GABRG3: variants seen among roughly 807,000 people sequenced by gnomAD.
GABRG3 encodes the protein gamma-aminobutyric acid receptor subunit gamma-3.
Under a neutral mutation model 48.8 loss-of-function variants are expected in GABRG3, and 25 were observed. The observed-to-expected ratio is 0.51, with a 90% CI of 0.37 to 0.72. The LOEUF (loss-of-function observed/expected upper bound fraction) is 0.72, where lower values mean the gene tolerates loss of function less well. GABRG3 is among the 30% of genes least tolerant of loss of function. GABRG3 has a pLI of 0.00. For missense variants in GABRG3, 394 were observed against 577.9 expected (o/e 0.68, Z 3.26); for synonymous variants, 227 against 217.6 (o/e 1.04, Z -0.38).
Position 26,971,532 on chromosome 15 carries a change from C to T in GABRG3, c.-4C>T, listed in dbSNP as rs748481396. The T allele has an allele frequency of 5.4e-5, 82 of 1,526,522 alleles. No individual in the cohort carries two copies. The highest frequency in any genetic ancestry group is 1.2e-4 in the Admixed American group (6 of 49,166). 94.6% of individuals were successfully genotyped at this position (1,526,522 alleles called of 1,614,324 possible). On this transcript the variant is annotated 5_prime_UTR_variant, in exon 1 of 10. Coordinates refer to ENST00000615808, the MANE Select transcript of GABRG3 (RefSeq NM_033223.5). ...GGACCCTGCGCCCCGAGCTCCACGG[C>T]ACCATGGCCCCGAAGCTGCTGCTCC...
intron 3 of GABRG3, among the ~76,000 whole-genome samples, chr15:27,117,507 C>G (rs937575955): frequency 2.0e-5 from 3 of 152,024 alleles, no homozygotes; most frequent in Non-Finnish European, 2.9e-5. Context: ...AAAGGGACTC[C>G]CATGAGGAGC....
chr15:27,004,919 A>G (rs1191855398), intron 2 of GABRG3, among the ~76,000 whole-genome samples: 1 of 152,198 alleles, frequency 6.6e-6, no homozygotes, highest in East Asian at 1.9e-4. Context: ...TAATATGTCT[A>G]CAGGCAGTTG....
intron 2 of GABRG3, among the ~76,000 whole-genome samples, chr15:27,012,773 A>T (rs940970966): frequency 7.9e-5 from 12 of 152,176 alleles, no homozygotes; most frequent in Non-Finnish European, 1.8e-4. Context: ...CGTTTCACGC[A>T]CTGTGATTTA....
chr15:27,070,934 C>T (rs879318814), intron 3 of GABRG3, among the ~76,000 whole-genome samples: 2 of 152,172 alleles, frequency 1.3e-5, no homozygotes, highest in South Asian at 2.1e-4. Context: ...CAGGTGCAGA[C>T]GGGACTGCGA....
chr15:27,244,530 C>G (rs1357510905), intron 3 of GABRG3, among the ~76,000 whole-genome samples: 1 of 152,232 alleles, frequency 6.6e-6, no homozygotes, highest in African/African-American at 2.4e-5. Flanking sequence ...GCATTTGATG[C>G]TTGTTTAACT....
chr15:27,393,849 G>C lies in GABRG3; in HGVS notation c.574+64961G>C, dbSNP rs543472298. 9.2e-5 allele frequency among the ~76,000 whole-genome samples: 14 copies of C among 152,270 alleles called. No homozygotes were observed. In the East Asian group the frequency reaches 2.3e-3, roughly 25 times the overall value. ...CAGCCCCGCTGATACCTTGATTTCA[G>C]CCCATTACTGAATGGGCTTACGATC... On this transcript the variant is annotated intron_variant, in intron 5 of 9. Coordinates refer to ENST00000615808, the MANE Select transcript of GABRG3 (RefSeq NM_033223.5).
chr15:27,344,820 A>G (rs1029573998), intron 5 of GABRG3, among the ~76,000 whole-genome samples: 1 of 152,074 alleles, frequency 6.6e-6, no homozygotes, highest in African/African-American at 2.4e-5. Context: ...CAGTGGATAT[A>G]TATATATATT....
chr15:27,144,974 A>G (rs575384708), intron 3 of GABRG3, among the ~76,000 whole-genome samples: 65 of 152,316 alleles, frequency 4.3e-4, no homozygotes, highest in African/African-American at 1.4e-3. Context: ...CAGAAAAGCT[A>G]TTAACAAACA....
intron 5 of GABRG3, among the ~76,000 whole-genome samples, chr15:27,436,995 T>TAG (rs10549691): frequency 0.33 from 43,090 of 130,324 alleles, 7,413 homozygotes; most frequent in Non-Finnish European, 0.42. Context: ...CTCCGAAAAA[T>TAG]AGAGAGAGAG....
chr15:27,096,410 G>A (rs1394595834), intron 3 of GABRG3, among the ~76,000 whole-genome samples: 1 of 152,188 alleles, frequency 6.6e-6, no homozygotes, highest in East Asian at 1.9e-4. Flanking sequence ...GTATCTTTCA[G>A]CAGAGAGATG....
At chr15:27,029,362 G>A (rs1030064008) in intron 3 of GABRG3, among the ~76,000 whole-genome samples, 2 of 152,172 alleles carry the variant, frequency 1.3e-5, no homozygotes, top group African/African-American at 4.8e-5. Context: ...CTGATTTCCT[G>A]AGGAAGACAC....
intron 3 of GABRG3, among the ~76,000 whole-genome samples, chr15:27,155,267 G>A (rs956634089): frequency 3.3e-5 from 5 of 152,072 alleles, no homozygotes; most frequent in Non-Finnish European, 7.4e-5. Context: ...CTGAGAGTTT[G>A]TTTCTTTGCT....
Position 27,480,788 on chromosome 15 carries a change from G to A in GABRG3, c.712+1G>A. Reference sequence around the variant, plus strand: ...ACAGAAATCGTGACAACGTCTGCAGGTAGGAATTTACTGAAAGAGGCACAG... The same window carrying A: ...ACAGAAATCGTGACAACGTCTGCAGATAGGAATTTACTGAAAGAGGCACAG... On this transcript the variant is annotated splice_donor_variant, in intron 6 of 9. Transcript: ENST00000615808. LOFTEE classifies it high-confidence loss of function. 1 of 1,613,532 alleles carries A rather than the reference G, an allele frequency of 6.2e-7. No individual in the cohort carries two copies. Among genetic ancestry groups the A allele is most frequent in the Non-Finnish European group, 8.5e-7 (1 of 1,179,734 alleles).
intron 3 of GABRG3, among the ~76,000 whole-genome samples, chr15:27,238,459 G>A (rs1222216695): frequency 6.6e-6 from 1 of 152,208 alleles, no homozygotes; most frequent in African/African-American, 2.4e-5. Context: ...CACCGCGGGA[G>A]GCCCTGGAGG....
Position 27,256,419 on chromosome 15 carries a change from C to T in GABRG3, c.271-70390C>T, listed in dbSNP as rs372018562. Among the ~76,000 whole-genome samples, 119 of 137,790 alleles carry T rather than the reference C, an allele frequency of 8.6e-4. 1 individual carries two copies. In the Middle Eastern group the frequency reaches 0.017, roughly 20 times the overall value. The allele number at this position is 137,790 out of a possible 152,430, so 90.4% of individuals were successfully genotyped here. On this transcript the variant is annotated intron_variant, in intron 3 of 9. Coordinates refer to ENST00000615808, the MANE Select transcript of GABRG3 (RefSeq NM_033223.5). Reference sequence around the variant, plus strand: ...TGGCGCCACTGCACTCCAGCCTGGGCGACAGAGCAAGACTCCGTCTCAAAA... The same window carrying T: ...TGGCGCCACTGCACTCCAGCCTGGGTGACAGAGCAAGACTCCGTCTCAAAA...
intron 5 of GABRG3, among the ~76,000 whole-genome samples, chr15:27,461,404 G>A (rs945294297): frequency 5.3e-5 from 8 of 152,138 alleles, no homozygotes; most frequent in African/African-American, 1.9e-4. Context: ...TCCTTCTGGT[G>A]GGTTCTTGGT....
At chr15:27,075,084 G>A (rs928953360) in intron 3 of GABRG3, among the ~76,000 whole-genome samples, 1 of 152,106 alleles carries the variant, frequency 6.6e-6, no homozygotes, top group African/African-American at 2.4e-5. Context: ...ATGTGAACAC[G>A]ATTTTCAAAA....
chr15:27,039,978 T>C (rs1193802055), intron 3 of GABRG3, among the ~76,000 whole-genome samples: 1 of 152,242 alleles, frequency 6.6e-6, no homozygotes, highest in African/African-American at 2.4e-5. Flanking sequence ...TTCTTCTCTT[T>C]TCTGCTCCCT....
intron 3 of GABRG3, among the ~76,000 whole-genome samples, chr15:27,098,700 T>G (rs2140764149): frequency 6.6e-6 from 1 of 152,174 alleles, no homozygotes; most frequent in East Asian, 1.9e-4. Flanking sequence ...CTTGTCCAAG[T>G]AAATTAGAAA....
Sources: allele counts gnomAD v4.1 joint callset (sites outside exome capture counted in the v4.1 genomes callset), GRCh38; gene constraint gnomAD v4.1.1; transcripts MANE v1.5; gene names NCBI Gene and HGNC (gene_info 2026-07-23, HGNC 2026-07-21).